Variants in MAST4 observed in about 807,000 individuals in gnomAD.
MAST4 encodes microtubule associated serine/threonine kinase family member 4, also known as microtubule-associated serine/threonine-protein kinase 4.
A neutral mutation model predicts 162.7 loss-of-function variants in MAST4; 89 were observed. That is an observed-to-expected ratio of 0.55 (90% CI 0.46 to 0.65). The LOEUF (loss-of-function observed/expected upper bound fraction) is 0.65, where lower values mean the gene tolerates loss of function less well. Among genes scored for constraint, MAST4 ranks in the 30% least tolerant of loss-of-function variants. The pLI is 0.00. For missense variants in MAST4, 3,153 were observed against 3,374.0 expected (o/e 0.93, Z 1.62); for synonymous variants, 1,479 against 1,361.1 (o/e 1.09, Z -1.91).
chr5:66,706,239 T>G (rs976990840), intron 1 of MAST4, among the ~76,000 whole-genome samples: 1 of 151,970 alleles, frequency 6.6e-6, no homozygotes, highest in African/African-American at 2.4e-5. Flanking sequence ...ACAAAGGACA[T>G]TAGGGAAATG....
chr5:66,918,710 T>C (rs1258897873), intron 4 of MAST4, among the ~76,000 whole-genome samples: 1 of 152,164 alleles, frequency 6.6e-6, no homozygotes, highest in East Asian at 1.9e-4. Flanking sequence ...CTTATGGAAG[T>C]AGAAGGACAT....
At chr5:67,160,097 T>G (rs1211375221) in intron 26 of MAST4, among the ~76,000 whole-genome samples, 1 of 152,202 alleles carries the variant, frequency 6.6e-6, no homozygotes, top group Non-Finnish European at 1.5e-5. Flanking sequence ...GCAAAAGGCT[T>G]TACAGACTTG....
At chr5:67,055,665 C>G (rs1015290513) in intron 5 of MAST4, among the ~76,000 whole-genome samples, 5 of 152,172 alleles carry the variant, frequency 3.3e-5, no homozygotes, top group South Asian at 2.1e-4. Context: ...AAAATGACCA[C>G]TAACATCTAG....
intron 2 of MAST4, among the ~76,000 whole-genome samples, chr5:66,785,801 A>G (rs1216790069): frequency 2.0e-5 from 3 of 152,208 alleles, no homozygotes; most frequent in Admixed American, 1.3e-4. Flanking sequence ...AGAAAAGAAT[A>G]AACTTATTTC....
chr5:66,763,068 A>C lies in MAST4; in HGVS notation c.517+3206A>C, dbSNP rs200303398. On this transcript the variant is annotated intron_variant, in intron 2 of 28. Transcript: ENST00000403625. Reference sequence around the variant, plus strand: ...GAGACACTGTTAGCTCATTTTACACATGAGAACACTGAGGCACAAGCAGGT... The same window carrying C: ...GAGACACTGTTAGCTCATTTTACACCTGAGAACACTGAGGCACAAGCAGGT... Among the ~76,000 whole-genome samples the C allele has an allele frequency of 2.0e-5, 3 of 152,202 alleles. No individual in the cohort carries two copies. The East Asian group carries it at 5.8e-4, about 29-fold the overall frequency.
intron 4 of MAST4, among the ~76,000 whole-genome samples, chr5:66,935,980 T>A (rs1256841606): frequency 6.6e-6 from 1 of 152,158 alleles, no homozygotes; most frequent in African/African-American, 2.4e-5. Context: ...CAGTCTTTAA[T>A]CCTAAGGTCA....
At chr5:66,598,503 C>T (rs1255235792) in intron 1 of MAST4, among the ~76,000 whole-genome samples, 1 of 152,194 alleles carries the variant, frequency 6.6e-6, no homozygotes, top group Non-Finnish European at 1.5e-5. Context: ...GAGTTCCTCA[C>T]CCACCGCAGA....
chr5:67,164,826 C>A lies in MAST4; in HGVS notation c.5647C>A (p.Leu1883Ile). Residue 1883 changes from leucine to isoleucine, a missense_variant, in exon 29 of 29, where the codon CTC (leucine) becomes ATC (isoleucine). Leu to Ile is a conservative substitution (Grantham distance 5). Coordinates refer to ENST00000403625, the MANE Select transcript of MAST4 (RefSeq NM_001164664.2). This position sits in a 1 kb window ranked among gnomAD's most constrained non-coding sequence, Gnocchi z 5.3. ...EPWFLPPSRGLQNSPAVSLPD... is the reference protein window; with the variant it reads ...EPWFLPPSRGIQNSPAVSLPD... ...TTGGTTCCTGCCCCCCAGCCGAGGTCTCCAGAATTCACCAGCAGTTTCCCT... is the reference window on the plus strand; with the variant it reads ...TTGGTTCCTGCCCCCCAGCCGAGGTATCCAGAATTCACCAGCAGTTTCCCT... 1 of 1,614,030 alleles carries A rather than the reference C, an allele frequency of 6.2e-7. No homozygotes were observed. The highest frequency in any genetic ancestry group is 8.5e-7 in the Non-Finnish European group (1 of 1,179,892).
intron 4 of MAST4, among the ~76,000 whole-genome samples, chr5:67,044,810 C>T (rs1361158197): frequency 6.6e-6 from 1 of 152,202 alleles, no homozygotes; most frequent in Non-Finnish European, 1.5e-5. Context: ...ATACAAATCC[C>T]ATTATATCCA....
intron 2 of MAST4, 73 bp from the exon 3 acceptor site, chr5:66,788,596 AC>A: frequency 4.2e-6 from 1 of 238,046 alleles, no homozygotes; most frequent in Non-Finnish European, 8.9e-6. Flanking sequence ...GAGACACCCC[AC>A]CCCCACCCCC....
chr5:66,942,685 C>T (rs555332094), intron 4 of MAST4, among the ~76,000 whole-genome samples: 50 of 152,200 alleles, frequency 3.3e-4, no homozygotes, highest in African/African-American at 1.1e-3. Flanking sequence ...TTATTGATCT[C>T]TTCCTGTCAT....
chr5:66,883,914 T>A (rs1761873295), intron 3 of MAST4, among the ~76,000 whole-genome samples: 1 of 152,214 alleles, frequency 6.6e-6, no homozygotes, highest in Admixed American at 6.5e-5. Flanking sequence ...TTTTTTTGGA[T>A]GCGTTGCTGC....
chr5:66,837,894 A>ATTTT (rs754095073), intron 3 of MAST4, among the ~76,000 whole-genome samples: 40 of 53,698 alleles, frequency 7.4e-4, no homozygotes, highest in Non-Finnish European at 1.0e-3. Context: ...ATATATATAT[A>ATTTT]TTTTTTTTTT....
chr5:67,127,419 G>C (rs972515056), intron 14 of MAST4, among the ~76,000 whole-genome samples: 1 of 152,082 alleles, frequency 6.6e-6, no homozygotes, highest in Non-Finnish European at 1.5e-5. Flanking sequence ...TCAATACCTA[G>C]TTTATTGAGA....
At chr5:66,739,014 T>A (rs961512429) in intron 1 of MAST4, among the ~76,000 whole-genome samples, 1 of 152,176 alleles carries the variant, frequency 6.6e-6, no homozygotes, top group South Asian at 2.1e-4. Context: ...TTCCTATAGA[T>A]CTTTTTTTTT....
intron 2 of MAST4, among the ~76,000 whole-genome samples, chr5:66,781,797 A>G (rs138020500): frequency 5.3e-5 from 8 of 152,344 alleles, no homozygotes; most frequent in African/African-American, 1.7e-4. Context: ...TACTAAATAT[A>G]TATTGCACTT....
chr5:66,903,911 G>T (rs575263984), intron 4 of MAST4, among the ~76,000 whole-genome samples: 2 of 152,292 alleles, frequency 1.3e-5, no homozygotes, highest in African/African-American at 4.8e-5. Flanking sequence ...TTCTGTCACT[G>T]TGCCTGCTCC....
rs1462022513 is a variant in MAST4 at position 67,110,012 on chromosome 5, T to C, written c.1357-86T>C. On this transcript the variant is annotated intron_variant, in intron 10 of 28. Transcript: ENST00000403625. ...TTACTCGATTTTTGAACATTTGCAA[T>C]GATCTAATTAGCATGCTTTGCTGAT... 4 of 890,648 alleles carry C rather than the reference T, an allele frequency of 4.5e-6. No homozygotes were observed. In the African/African-American group the frequency reaches 6.6e-5, roughly 15 times the overall value. 55.2% of individuals were successfully genotyped at this position (890,648 alleles called of 1,614,324 possible).
chr5:66,931,865 G>A (rs971336953), intron 4 of MAST4, among the ~76,000 whole-genome samples: 1 of 152,106 alleles, frequency 6.6e-6, no homozygotes, highest in Non-Finnish European at 1.5e-5. Flanking sequence ...TGGTGATCCC[G>A]TAGTGTGATC....
Sources: gnomAD v4.1 joint callset for allele counts (sites outside exome capture counted in the v4.1 genomes callset) on GRCh38, gnomAD v4.1.1 for gene constraint, Gnocchi (gnomAD v3.1) non-coding constraint, MANE v1.5 for transcripts, NCBI Gene and HGNC (gene_info 2026-07-23, HGNC 2026-07-21) for gene names.